Variants in CIC observed in about 807,000 individuals in gnomAD.
CIC encodes capicua transcriptional repressor.
Under a neutral mutation model 115.7 loss-of-function variants are expected in CIC, and 18 were observed. The observed-to-expected ratio is 0.16, with a 90% CI of 0.11 to 0.23. The LOEUF is 0.23. CIC is among the 10% of genes least tolerant of loss of function. The probability of loss-of-function intolerance (pLI) is 1.00; values close to 1 mark genes in which losing one functional copy is unlikely to be tolerated. For missense variants in CIC, 2,000 were observed against 2,159.3 expected (o/e 0.93, Z 1.46); for synonymous variants, 1,076 against 923.0 (o/e 1.17, Z -3.01).
chr19:42,289,260 G>C lies in CIC; in HGVS notation c.3941G>C (p.Gly1314Ala), dbSNP rs1016077799. The C allele has an allele frequency of 1.2e-6, 2 of 1,613,756 alleles. No homozygotes were observed. The highest frequency in any genetic ancestry group is 1.7e-6 in the Non-Finnish European group (2 of 1,180,030). ...GCTCCAGGACCCTTTGCAGCCCCTG[G>C]TGAGGGAGGTGCCTTGGCGGCCACT... ...YGAPGPFAAPGEGGALAATGR... is the reference protein window; with the variant it reads ...YGAPGPFAAPAEGGALAATGR... The change falls in exon 9 of 21, where the codon GGT (glycine) becomes GCT (alanine). Residue 1314 changes from glycine to alanine, a missense_variant. Gly to Ala is a moderately conservative substitution (Grantham distance 60). Coordinates refer to ENST00000681038, the MANE Select transcript of CIC (RefSeq NM_001386298.1).
At position 42,294,591 on chromosome 19, in the gene CIC, G is replaced by A. The variant is rs1568529564; in HGVS notation, c.7055-13G>A. 6.2e-7 allele frequency: 1 copy of A among 1,613,054 alleles called. No homozygotes were observed. The highest frequency in any genetic ancestry group is 8.5e-7 in the Non-Finnish European group (1 of 1,179,916). On this transcript the variant is annotated splice_polypyrimidine_tract_variant and intron_variant, in intron 19 of 20. Coordinates refer to ENST00000681038, the MANE Select transcript of CIC (RefSeq NM_001386298.1). ...CTGCTGCAGCCTTGCCATGCTGCCT[G>A]TGCCCTGCACAGGTACAGAAGCCGA...
rs755303328 is a variant in CIC, at chr19:42,290,755, C to T, written c.4714C>T (p.Pro1572Ser). 1 of 1,612,284 alleles carries T rather than the reference C, an allele frequency of 6.2e-7. No individual in the cohort carries two copies. Among genetic ancestry groups the T allele is most frequent in the South Asian group, 1.1e-5 (1 of 91,052 alleles). ...ACTGGCCTATGGGGCCCCAGCAGCT[C>T]CCCTGTCCCGTCCTGCCGCCACCAT... Reference protein sequence around the residue: ...PSLAYGAPAAPLSRPAATMVT... With the variant: ...PSLAYGAPAASLSRPAATMVT... Residue 1572 changes from proline (P) to serine (S), a missense_variant, in exon 11 of 21, where the codon CCC (proline) becomes TCC (serine). Physicochemically the swap from Pro to Ser is moderately conservative, Grantham distance 74. Coordinates refer to ENST00000681038, the MANE Select transcript of CIC (RefSeq NM_001386298.1).
rs146739163 is a variant in CIC at position 42,291,346 on chromosome 19, A to G, written c.5305A>G (p.Thr1769Ala). The G allele has an allele frequency of 2.0e-5, 32 of 1,612,598 alleles. No homozygotes were observed. The African/African-American group carries it at 3.2e-4, about 16-fold the overall frequency. The change falls in exon 11 of 21, where the codon ACC becomes GCC. Residue 1769 changes from threonine to alanine, a missense_variant. Coordinates refer to ENST00000681038, the MANE Select transcript of CIC (RefSeq NM_001386298.1). Reference sequence around the variant, plus strand: ...GGCTCCCAGCGGCCCTGCACCCACCACCAGCATCCGTTTCACCCTCCCACC... The same window carrying G: ...GGCTCCCAGCGGCCCTGCACCCACCGCCAGCATCCGTTTCACCCTCCCACC... ...AAAPSGPAPT[T>A]SIRFTLPPGT...
chr19:42,291,742 C>G lies in CIC; in HGVS notation c.5610C>G (p.Ser1870Arg), dbSNP rs1419768893. Residue 1870 changes from serine (S) to arginine (R), a missense_variant, in exon 12 of 21, where the codon AGC becomes AGG. Transcript: ENST00000681038. ...TGCAGAATGGTGCCCAGCCCCCCAGCAAGGTGAGGGCCTGCCTTTCTCTCT... is the reference window on the plus strand; with the variant it reads ...TGCAGAATGGTGCCCAGCCCCCCAGGAAGGTGAGGGCCTGCCTTTCTCTCT... ...VPVQNGAQPP[S>R]KIIQLTPVPV... The G allele has an allele frequency of 6.2e-7, 1 of 1,613,008 alleles. No individual in the cohort carries two copies. Among genetic ancestry groups the G allele is most frequent in the South Asian group, 1.1e-5 (1 of 91,084 alleles).
At chr19:42,294,130 C>T (rs2147342389) in intron 18 of CIC, 41 bp downstream of exon 18, 1 of 1,613,808 alleles carries the variant, frequency 6.2e-7, no homozygotes, top group Non-Finnish European at 8.5e-7. Context: ...AGGTGGAGGG[C>T]AGACTGGGGC....
chr19:42,290,709 GCCCTCCGCCCCCGCCCC>G lies in CIC; in HGVS notation c.4669_4685del (p.Pro1557IlefsTer36), dbSNP rs2038025881. ...AGCAAGAGGGCGGCGGAGCCAGAGT[GCCCTCCGCCCCCGCCCC>G]ATCACTGGCCTATGGGGCCCCAGCA... On this transcript the variant is annotated frameshift_variant, in exon 11 of 21. Coordinates refer to ENST00000681038, the MANE Select transcript of CIC (RefSeq NM_001386298.1). LOFTEE classifies it high-confidence loss of function. 1 of 1,612,460 alleles carries G rather than the reference GCCCTCCGCCCCCGCCCC, an allele frequency of 6.2e-7. No individual in the cohort carries two copies. Among genetic ancestry groups the G allele is most frequent in the Non-Finnish European group, 8.5e-7 (1 of 1,179,764 alleles).
Position 42,272,850 on chromosome 19 carries a change from C to T in CIC, c.1067C>T (p.Pro356Leu), listed in dbSNP as rs1002154527. 25 of 399,192 alleles carry T rather than the reference C, an allele frequency of 6.3e-5. No homozygotes were observed. The highest frequency in any genetic ancestry group is 4.7e-4 in the African/African-American group (23 of 48,646). The allele number at this position is 399,192 out of a possible 1,614,324, so 24.7% of individuals were successfully genotyped here. The change falls in exon 2 of 21, where the codon CCT becomes CTT. Residue 356 changes from proline (P) to leucine (L), a missense_variant. Around this residue, in one of 8 missense-constraint regions of CIC, gnomAD observed 222 missense variants for 247.7 expected, o/e 0.90. Coordinates refer to ENST00000681038, the MANE Select transcript of CIC (RefSeq NM_001386298.1). ...ATGCTGAGGAAGCCCCCTACAGGCC[C>T]TGAGGAAGAGCAGGCAGAGCCTGGG... Reference protein sequence around the residue: ...ETMLRKPPTGPEEEQAEPGAT... With the variant: ...ETMLRKPPTGLEEEQAEPGAT...
At chr19:42,284,313 A>C (rs1176000844) in intron 2 of CIC, 3 of 144,172 alleles carry the variant, frequency 2.1e-5, no homozygotes, top group African/African-American at 7.5e-5. Flanking sequence ...GCCCCCGCGC[A>C]CGCGCGTCGC....
chr19:42,292,592 G>A lies in CIC; in HGVS notation c.5929G>A (p.Gly1977Ser), dbSNP rs370377701. The change falls in exon 15 of 21, where the codon GGT becomes AGT. Residue 1977 changes from glycine (G) to serine (S), a missense_variant. Physicochemically the swap from Gly to Ser is moderately conservative, Grantham distance 56. Transcript: ENST00000681038. Reference sequence around the variant, plus strand: ...AGGCCAAGCCCCACTGCTGGCTCCCGGTCAGGTGGGCGTGTCACCTGTGCC... The same window carrying A: ...AGGCCAAGCCCCACTGCTGGCTCCCAGTCAGGTGGGCGTGTCACCTGTGCC... ...SAGQAPLLAP[G>S]QVGVSPVPSP... is the part of the protein sequence containing the mutation. 1.2e-4 allele frequency: 192 copies of A among 1,613,258 alleles called. 1 individual carries two copies. In the South Asian group the frequency reaches 1.8e-3, roughly 15 times the overall value.
chr19:42,284,092 G>C (rs1022719421), intron 2 of CIC: 1 of 148,674 alleles, frequency 6.7e-6, no homozygotes, highest in African/African-American at 2.4e-5. Flanking sequence ...TTCGGCGCGG[G>C]GCTCGCTCGG....
chr19:42,283,980 G>A (rs2037401243), intron 2 of CIC: 1 of 149,942 alleles, frequency 6.7e-6, no homozygotes, highest in Admixed American at 6.6e-5. Flanking sequence ...CGGGGGGCCG[G>A]GCTTGCGCGG....
chr19:42,274,327 G>A lies in CIC; in HGVS notation c.2544G>A (p.Val848=), dbSNP rs944617245. Residue 848 remains valine, a synonymous_variant, in exon 2 of 21, where the codon GTG becomes GTA. Transcript: ENST00000681038. The part of the protein sequence containing the change: ...GPGRGCRETP[V]PPGVASGKPG... ...GGCGGGGCTGCCGTGAAACCCCAGT[G>A]CCCCCTGGGGTGGCCAGTGGGAAGC... 1.5e-5 allele frequency: 6 copies of A among 398,408 alleles called. No homozygotes were observed. The highest frequency in any genetic ancestry group is 1.1e-4 in the East Asian group (3 of 28,070). 24.7% of individuals were successfully genotyped at this position (398,408 alleles called of 1,614,324 possible).
At position 42,291,163 on chromosome 19, in the gene CIC, G is replaced by A. The variant is rs1353113790; in HGVS notation, c.5122G>A (p.Gly1708Arg). 6.2e-7 allele frequency: 1 copy of A among 1,608,164 alleles called. No individual in the cohort carries two copies. The highest frequency in any genetic ancestry group is 1.3e-5 in the African/African-American group (1 of 74,748). Residue 1708 changes from glycine (G) to arginine (R), a missense_variant, in exon 11 of 21, where the codon GGG (glycine) becomes AGG (arginine). Physicochemically the swap from Gly to Arg is moderately radical, Grantham distance 125 (BLOSUM62 -2). Around this residue, in one of 8 missense-constraint regions of CIC, gnomAD observed 1,466 missense variants for 1,390.4 expected, o/e 1.05. Coordinates refer to ENST00000681038, the MANE Select transcript of CIC (RefSeq NM_001386298.1). ...GTTAGSGAGA[G>R]SGPNGPVPLG... ...CACTGCGGGCTCAGGAGCAGGTGCT[G>A]GGAGTGGCCCCAATGGGCCAGTACC... is the stretch of plus-strand genomic sequence containing the variant.
In CIC at chr19:42,293,232, T is replaced by G; in HGVS notation, c.6473T>G (p.Leu2158Arg). 6.3e-7 allele frequency: 1 copy of G among 1,594,830 alleles called. No homozygotes were observed. ...CCCACGGCCCGGAGCAGCCCCCCAC[T>G]GCCCCCACCTGCTGAGGAGCGGACC... ...WTPTARSSPP[L>R]PPPAEERTSA... The change falls in exon 16 of 21, where the codon CTG (leucine) becomes CGG (arginine). Residue 2158 changes from leucine (L) to arginine (R), a missense_variant. This residue lies in a region of CIC where 1,466 missense variants were observed against 1,390.4 expected (regional missense o/e 1.05). Coordinates refer to ENST00000681038, the MANE Select transcript of CIC (RefSeq NM_001386298.1).
At chr19:42,292,892 T>C (rs1439823812) in intron 15 of CIC, 33 bp downstream of exon 15, 1 of 1,613,354 alleles carries the variant, frequency 6.2e-7, no homozygotes, top group Non-Finnish European at 8.5e-7. Flanking sequence ...GCAGAGTGAG[T>C]TGGGGGACCC....
At chr19:42,283,872 T>C (rs1320733574) in intron 2 of CIC, 1 of 151,146 alleles carries the variant, frequency 6.6e-6, no homozygotes, top group Non-Finnish European at 1.5e-5. Flanking sequence ...GCCCTGCCCT[T>C]ATTTGCATAT....
At chr19:42,268,800 T>G (rs191530095), upstream of CIC, among the ~76,000 whole-genome samples, 383 of 152,328 alleles carry the variant, frequency 2.5e-3, 1 homozygote, top group Non-Finnish European at 4.4e-3. Flanking sequence ...GACTAGCCGG[T>G]CAACAAACGT....
In CIC at chr19:42,290,267, G is replaced by T; in HGVS notation, c.4226G>T (p.Arg1409Leu). ...FGRKVFSPVI[R>L]SSFTHCRPPL... ...CGGAAGGTGTTTTCACCTGTGATCCGTTCCTCCTTTACCCACTGCCGCCCC... is the reference window on the plus strand; with the variant it reads ...CGGAAGGTGTTTTCACCTGTGATCCTTTCCTCCTTTACCCACTGCCGCCCC... Residue 1409 changes from arginine to leucine, a missense_variant, in exon 11 of 21, where the codon CGT (arginine) becomes CTT (leucine). By Grantham distance (102) the Arg-to-Leu change is moderately radical (BLOSUM62 -2). This residue lies in a region of CIC where 1,466 missense variants were observed against 1,390.4 expected (regional missense o/e 1.05). Coordinates refer to ENST00000681038, the MANE Select transcript of CIC (RefSeq NM_001386298.1). 6 of 1,614,032 alleles carry T rather than the reference G, an allele frequency of 3.7e-6. No homozygotes were observed. Among genetic ancestry groups the T allele is most frequent in the Non-Finnish European group, 5.1e-6 (6 of 1,179,966 alleles).
rs1222186502 is a variant in CIC at position 42,286,841 on chromosome 19, C to A, written c.2865C>A (p.Pro955=). 2.5e-6 allele frequency: 4 copies of A among 1,613,956 alleles called. No homozygotes were observed. In the South Asian group the frequency reaches 3.3e-5, roughly 13 times the overall value. The change falls in exon 3 of 21, where the codon CCC becomes CCA. Residue 955 remains proline (P), a synonymous_variant. Coordinates refer to ENST00000681038, the MANE Select transcript of CIC (RefSeq NM_001386298.1). ...PWHSLVPFLA[P]SQPDPSVQPS... is the part of the protein sequence containing the mutation. The stretch of plus-strand genomic sequence containing the variant: ...ACTCCTTAGTCCCCTTCCTGGCACC[C>A]AGCCAGCCTGACCCCTCCGTGCAGC...
Sources: gnomAD v4.1 joint callset for allele counts (sites outside exome capture counted in the v4.1 genomes callset) on GRCh38, gnomAD v4.1.1 for gene constraint, gnomAD v4.1.1 regional missense constraint, MANE v1.5 for transcripts, NCBI Gene and HGNC (gene_info 2026-07-23, HGNC 2026-07-21) for gene names.